GATAD2A: variants seen among roughly 807,000 people sequenced by gnomAD.
GATAD2A encodes the protein GATA zinc finger domain containing 2A.
In GATAD2A, 12 loss-of-function variants were observed where a neutral mutation model predicts 68.5. That is an observed-to-expected ratio of 0.18 (90% CI 0.11 to 0.28). GATAD2A has a LOEUF of 0.28. Among genes scored for constraint, GATAD2A ranks in the 10% least tolerant of loss-of-function variants. The pLI is 1.00. For missense variants in GATAD2A, 755 were observed against 868.5 expected (o/e 0.87, Z 1.64); for synonymous variants, 410 against 375.3 (o/e 1.09, Z -1.07).
chr19:19,415,235 C>T (rs969127927), intron 1 of GATAD2A, among the ~76,000 whole-genome samples: 1 of 151,666 alleles, frequency 6.6e-6, no homozygotes, highest in South Asian at 2.1e-4. Context: ...TCACTGCAAC[C>T]TCCGCCTCCT....
At chr19:19,388,071 T>G (rs2048577293) in intron 1 of GATAD2A, among the ~76,000 whole-genome samples, 1 of 151,444 alleles carries the variant, frequency 6.6e-6, no homozygotes, top group East Asian at 1.9e-4. Context: ...TTTTTTTTTT[T>G]TGGAGATGGA....
intron 1 of GATAD2A, among the ~76,000 whole-genome samples, chr19:19,423,230 C>T (rs895235907): frequency 1.3e-5 from 2 of 152,194 alleles, no homozygotes; most frequent in East Asian, 1.9e-4. Flanking sequence ...TGGTCTCAAA[C>T]GCCTGGGCTC....
chr19:19,495,983 G>T, intron 6 of GATAD2A, 69 bp from the exon 7 acceptor site: 13 of 1,581,912 alleles, frequency 8.2e-6, no homozygotes. Flanking sequence ...AAGGTGCCCT[G>T]TGCCTTCCGG....
chr19:19,500,816 C>G (rs1474792570), intron 8 of GATAD2A, among the ~76,000 whole-genome samples: 1 of 152,250 alleles, frequency 6.6e-6, no homozygotes, highest in Admixed American at 6.5e-5. Flanking sequence ...GGTGACTTGC[C>G]TGTCACCCTT....
At chr19:19,476,733 G>C (rs1488751905) in intron 2 of GATAD2A, among the ~76,000 whole-genome samples, 1 of 152,214 alleles carries the variant, frequency 6.6e-6, no homozygotes, top group Non-Finnish European at 1.5e-5. Context: ...GAAACAGACG[G>C]AGTGGATACC....
chr19:19,502,454 C>T lies in GATAD2A; in HGVS notation c.1702C>T (p.His568Tyr). ...ATALVSRTGR[H>Y]SERTVSAGKG... is the part of the protein sequence containing the mutation. ...AGCCCTGGTCAGCAGGACCGGCAGACATTCTGAGAGAACCGTGAGCGCCGG... is the reference window on the plus strand; with the variant it reads ...AGCCCTGGTCAGCAGGACCGGCAGATATTCTGAGAGAACCGTGAGCGCCGG... The change falls in exon 11 of 12, where the codon CAT (histidine) becomes TAT (tyrosine). Residue 568 changes from histidine (H) to tyrosine (Y), a missense_variant. His to Tyr is a moderately conservative substitution (Grantham distance 83). Transcript: ENST00000683918. 6.2e-7 allele frequency: 1 copy of T among 1,613,736 alleles called. No homozygotes were observed. Among genetic ancestry groups the T allele is most frequent in the Non-Finnish European group, 8.5e-7 (1 of 1,180,008 alleles).
At position 19,494,297 on chromosome 19, in the gene GATAD2A, A is replaced by G. The variant is rs1002255870; in HGVS notation, c.538A>G (p.Thr180Ala). The change falls in exon 5 of 12, where the codon ACA (threonine) becomes GCA (alanine). Residue 180 changes from threonine to alanine, a missense_variant. By Grantham distance (58) the Thr-to-Ala change is moderately conservative (BLOSUM62 0). Transcript: ENST00000683918. ...IQKEATAQKP[T>A]GSVGSTVTTP... Reference sequence around the variant, plus strand: ...CTGGTGTCCTGCTCTCTTGCAGCCCACAGGTTCTGTTGGGAGCACCGTGAC... The same window carrying G: ...CTGGTGTCCTGCTCTCTTGCAGCCCGCAGGTTCTGTTGGGAGCACCGTGAC... The G allele has an allele frequency of 1.2e-6, 2 of 1,605,346 alleles. No individual in the cohort carries two copies. The highest frequency in any genetic ancestry group is 1.3e-5 in the African/African-American group (1 of 74,730).
At chr19:19,405,551 AG>A (rs1337769736), upstream of GATAD2A, among the ~76,000 whole-genome samples, 1 of 151,796 alleles carries the variant, frequency 6.6e-6, no homozygotes, top group African/African-American at 2.4e-5. Flanking sequence ...CGCGCCGGAG[AG>A]GGGCGGTGCT....
At chr19:19,418,762 C>G (rs1040173603) in intron 1 of GATAD2A, among the ~76,000 whole-genome samples, 5 of 152,126 alleles carry the variant, frequency 3.3e-5, no homozygotes, top group Non-Finnish European at 7.3e-5. Flanking sequence ...GATTCTAGCT[C>G]TTTTGGCAGA....
intron 1 of GATAD2A, among the ~76,000 whole-genome samples, chr19:19,458,098 G>A (rs753941164): frequency 6.6e-6 from 1 of 152,220 alleles, no homozygotes; most frequent in African/African-American, 2.4e-5. Context: ...GAAGATGTCT[G>A]TATCTCTGGT....
rs1159362184 is a variant in GATAD2A, at chr19:19,508,244, G to C, written c.*2770G>C. 1 of 152,286 alleles carries C rather than the reference G, an allele frequency of 6.6e-6. No individual in the cohort carries two copies. Among genetic ancestry groups the C allele is most frequent in the Non-Finnish European group, 1.5e-5 (1 of 68,098 alleles). 9.4% of individuals were successfully genotyped at this position (152,286 alleles called of 1,614,324 possible). A position where few individuals can be genotyped will look rare whatever the true frequency, so the allele number is the denominator to read the frequency against. On this transcript the variant is annotated 3_prime_UTR_variant, in exon 12 of 12. Transcript: ENST00000683918. ...AGTTCACACCTCGCCTGTTGTAGGGGAGGTTGGGGGTAGGGTTTGGAATGG... is the reference window on the plus strand; with the variant it reads ...AGTTCACACCTCGCCTGTTGTAGGGCAGGTTGGGGGTAGGGTTTGGAATGG...
At chr19:19,430,965 T>G in intron 1 of GATAD2A, among the ~76,000 whole-genome samples, 1 of 131,510 alleles carries the variant, frequency 7.6e-6, no homozygotes. Context: ...TTGGGTGGGT[T>G]GTATGGTAGG....
intron 1 of GATAD2A, among the ~76,000 whole-genome samples, chr19:19,408,917 C>T (rs1371528799): frequency 1.3e-5 from 2 of 151,884 alleles, no homozygotes; most frequent in Non-Finnish European, 2.9e-5. Flanking sequence ...TGCAGTGAGG[C>T]TCACAGCCGG....
In GATAD2A at chr19:19,391,346, TTCTC is replaced by T. The variant is rs775630678; in HGVS notation, c.-7+5212_-7+5215del. Among the ~76,000 whole-genome samples the T allele has an allele frequency of 2.2e-4, 34 of 152,326 alleles. No individual in the cohort carries two copies. The East Asian group carries it at 6.4e-3, about 28-fold the overall frequency. ...CTCTCTTCCTCCTTCCCTCCTTTCT[TTCTC>T]TCTTTCATGCACACATATATAGACA... On this transcript the variant is annotated intron_variant, in intron 1 of 11. Transcript: ENST00000360315.
chr19:19,467,580 C>T (rs2057973574), intron 2 of GATAD2A, among the ~76,000 whole-genome samples: 1 of 152,052 alleles, frequency 6.6e-6, no homozygotes, highest in Non-Finnish European at 1.5e-5. Context: ...GTTGTGCATA[C>T]CAGTAGTTAA....
At chr19:19,485,345 C>T (rs146461723) in intron 2 of GATAD2A, among the ~76,000 whole-genome samples, 10 of 152,350 alleles carry the variant, frequency 6.6e-5, no homozygotes, top group African/African-American at 1.2e-4. Flanking sequence ...TGGCTGGTCC[C>T]GCCCAGCTGG....
rs67449967 is a variant in GATAD2A, at chr19:19,412,068, A to ATCTC, written c.-7+6067_-7+6070dup. Among the ~76,000 whole-genome samples, 480 of 138,546 alleles carry ATCTC rather than the reference A, an allele frequency of 3.5e-3. 4 individuals are homozygous for ATCTC. The highest frequency in any genetic ancestry group is 0.011 in the African/African-American group (421 of 37,894). The allele number at this position is 138,546 out of a possible 152,430, so 90.9% of individuals were successfully genotyped here. On this transcript the variant is annotated intron_variant, in intron 1 of 11. Transcript: ENST00000683918. ...CGCCTGGGCAATGTAGCAATCCCCC[A>ATCTC]TCTCTCTCTCTCTCTCTCTCTTTTT...
chr19:19,495,680 G>T, intron 5 of GATAD2A, 74 bp from the exon 6 acceptor site: 2 of 1,175,762 alleles, frequency 1.7e-6, no homozygotes, highest in South Asian at 1.6e-5. Flanking sequence ...CATAAAAGCA[G>T]CAAAACTGCT....
chr19:19,387,353 TC>T (rs1416302113), intron 1 of GATAD2A, among the ~76,000 whole-genome samples: 1 of 151,426 alleles, frequency 6.6e-6, no homozygotes, highest in Non-Finnish European at 1.5e-5. Context: ...AGAGTCTCAT[TC>T]CGTCTCCCAG....
Sources: gnomAD v4.1 joint callset for allele counts (sites outside exome capture counted in the v4.1 genomes callset) on GRCh38, gnomAD v4.1.1 for gene constraint, MANE v1.5 for transcripts, NCBI Gene and HGNC (gene_info 2026-07-23, HGNC 2026-07-21) for gene names.